The following COL27A1 variants were observed in gnomAD, a reference collection of about 807,000 sequenced individuals.
The protein encoded by COL27A1 is collagen type XXVII alpha 1 chain, also known as collagen alpha-1(XXVII) chain.
A neutral mutation model predicts 251.3 loss-of-function variants in COL27A1; 106 were observed. The observed-to-expected ratio is 0.42, with a 90% CI of 0.36 to 0.50. The LOEUF (loss-of-function observed/expected upper bound fraction) is 0.50, where lower values mean the gene tolerates loss of function less well. Ranked by LOEUF, COL27A1 falls within the 20% of genes least tolerant of loss-of-function variation. The pLI, the probability that COL27A1 is intolerant of heterozygous loss-of-function variation, is 0.00. For synonymous variants in COL27A1, 1,000 were observed against 986.3 expected, an observed-to-expected ratio of 1.01 and a Z score of -0.26; for missense variants, 2,325 against 2,522.8, an observed-to-expected ratio of 0.92 and a Z score of 1.68.
chr9:114,168,839 G>A lies in COL27A1; in HGVS notation c.1284G>A (p.Arg428=). Residue 428 remains arginine (R), a synonymous_variant, in exon 3 of 61, where the codon AGG becomes AGA. Coordinates refer to ENST00000356083, the MANE Select transcript of COL27A1 (RefSeq NM_032888.4). ...VSRPAEKPIQ[R]NPGMPRPPPP... ...GTCCCGCAGAGAAGCCCATCCAGAG[G>A]AACCCGGGAATGCCCAGGCCCCCAC... 1 of 1,613,858 alleles carries A rather than the reference G, an allele frequency of 6.2e-7. No homozygotes were observed. The highest frequency in any genetic ancestry group is 8.5e-7 in the Non-Finnish European group (1 of 1,179,988).
At chr9:114,178,793 G>C (rs1184090818) in intron 4 of COL27A1, among the ~76,000 whole-genome samples, 4 of 152,186 alleles carry the variant, frequency 2.6e-5, no homozygotes, top group Non-Finnish European at 5.9e-5. Context: ...CTGCTGGAGA[G>C]AGGCTGGGGG....
intron 10 of COL27A1, among the ~76,000 whole-genome samples, chr9:114,208,434 G>A (rs979366039): frequency 3.3e-5 from 5 of 152,032 alleles, no homozygotes; most frequent in Non-Finnish European, 5.9e-5. Flanking sequence ...GGATGACAGA[G>A]CAAGACTCCG....
chr9:114,301,270 G>A lies in COL27A1; in HGVS notation c.4756-14G>A, dbSNP rs767444738. 29 of 1,612,312 alleles carry A rather than the reference G, an allele frequency of 1.8e-5. No individual in the cohort carries two copies. The highest frequency in any genetic ancestry group is 1.6e-4 in the Middle Eastern group (1 of 6,078). Reference sequence around the variant, plus strand: ...CCTCTGGGCCCTGTCTCACTGGGCCGTGGTTTGTTGCAGGGTCCGAAGGGT... The same window carrying A: ...CCTCTGGGCCCTGTCTCACTGGGCCATGGTTTGTTGCAGGGTCCGAAGGGT... On this transcript the variant is annotated splice_polypyrimidine_tract_variant and intron_variant, in intron 52 of 60. Transcript: ENST00000356083.
Position 114,309,439 on chromosome 9 carries a change from G to A in COL27A1, c.5397G>A (p.Gly1799=). 1 of 1,613,996 alleles carries A rather than the reference G, an allele frequency of 6.2e-7. No homozygotes were observed. Among genetic ancestry groups the A allele is most frequent in the African/African-American group, 1.3e-5 (1 of 75,044 alleles). Residue 1799 remains glycine (G), a synonymous_variant, in exon 60 of 61, where the codon GGG becomes GGA. Coordinates refer to ENST00000356083, the MANE Select transcript of COL27A1 (RefSeq NM_032888.4). ...GGAATGGACAGATTTTTGAAGCTGGGGGTCAGTTCCGGCCCGAGGTGTCCA... is the reference window on the plus strand; with the variant it reads ...GGAATGGACAGATTTTTGAAGCTGGAGGTCAGTTCCGGCCCGAGGTGTCCA... ...RAWNGQIFEA[G]GQFRPEVSMD... is the part of the protein sequence containing the mutation.
chr9:114,302,189 C>A (rs903658445), intron 56 of COL27A1, 81 bp downstream of exon 56: 2 of 1,217,016 alleles, frequency 1.6e-6, no homozygotes, highest in Non-Finnish European at 1.2e-6. Flanking sequence ...CCCTCTCTGG[C>A]CCTGGTGGCT....
Position 114,270,730 on chromosome 9 carries a change from A to C in COL27A1, c.3558A>C (p.Gly1186=). 1 of 1,611,738 alleles carries C rather than the reference A, an allele frequency of 6.2e-7. No individual in the cohort carries two copies. The highest frequency in any genetic ancestry group is 8.5e-7 in the Non-Finnish European group (1 of 1,178,696). Residue 1186 remains glycine, a splice_region_variant and synonymous_variant, in exon 36 of 61, where the codon GGA becomes GGC. Coordinates refer to ENST00000356083, the MANE Select transcript of COL27A1 (RefSeq NM_032888.4). ...TCTTTCTCCATCACCTTTTCCAGGG[A>C]GAGCCAGGCCTTGAGGGTGACAGTG... The part of the protein sequence containing the change: ...PGEQGLIGQR[G]EPGLEGDSGP...
chr9:114,250,182 G>A (rs1833431269), intron 24 of COL27A1, among the ~76,000 whole-genome samples: 1 of 152,208 alleles, frequency 6.6e-6, no homozygotes, highest in Non-Finnish European at 1.5e-5. Context: ...CAGTTCTCTT[G>A]GCGGAGGCTG....
chr9:114,196,443 G>A lies in COL27A1; in HGVS notation c.2124+431G>A, dbSNP rs181298130. Among the ~76,000 whole-genome samples, 157 of 152,264 alleles carry A rather than the reference G, an allele frequency of 1.0e-3. 1 individual carries two copies. The highest frequency in any genetic ancestry group is 3.2e-3 in the African/African-American group (132 of 41,560). ...ACATGAGATGGAGACAATGATCCCC[G>A]TCTCTGACCCTGCACAGTCTGGGGC... On this transcript the variant is annotated intron_variant, in intron 7 of 60. Coordinates refer to ENST00000356083, the MANE Select transcript of COL27A1 (RefSeq NM_032888.4).
Position 114,309,365 on chromosome 9 carries a change from G to A in COL27A1, c.5323G>A (p.Glu1775Lys), listed in dbSNP as rs1169563204. 3.7e-6 allele frequency: 6 copies of A among 1,614,090 alleles called. No individual in the cohort carries two copies. The highest frequency in any genetic ancestry group is 4.2e-6 in the Non-Finnish European group (5 of 1,180,030). ...CTGCCTTAACATGACCGTGTGGCAG[G>A]AGGGCACTGGGCAGACCCCAGCCAA... is the stretch of plus-strand genomic sequence containing the variant. ...IHCLNMTVWQ[E>K]GTGQTPAKQA... The change falls in exon 60 of 61, where the codon GAG becomes AAG. Residue 1775 changes from glutamate to lysine, a missense_variant. Around this residue, in one of 4 missense-constraint regions of COL27A1, gnomAD observed 327 missense variants for 442.8 expected, o/e 0.74. Coordinates refer to ENST00000356083, the MANE Select transcript of COL27A1 (RefSeq NM_032888.4).
At chr9:114,162,247 T>C (rs1007493918) in intron 1 of COL27A1, among the ~76,000 whole-genome samples, 1 of 152,164 alleles carries the variant, frequency 6.6e-6, no homozygotes. Context: ...CCCGCTGACC[T>C]TTCACCCCTG....
intron 2 of COL27A1, 92 bp downstream of exon 2, chr9:114,162,877 G>A: frequency 1.2e-6 from 1 of 811,394 alleles, no homozygotes; most frequent in Non-Finnish European, 2.1e-6. Flanking sequence ...GCCTGTAATT[G>A]GAACTCAATG....
intron 17 of COL27A1, 152 bp from the exon 18 acceptor site, chr9:114,236,829 G>A: frequency 1.4e-6 from 1 of 717,400 alleles, no homozygotes; most frequent in Non-Finnish European, 2.5e-6. Context: ...TGTGATCCAA[G>A]CCAGAGCCCA....
chr9:114,310,500 GA>G, intron 60 of COL27A1, 48 bp from the exon 61 acceptor site: 1 of 1,605,814 alleles, frequency 6.2e-7, no homozygotes, highest in South Asian at 1.1e-5. Flanking sequence ...CATGATGTAT[GA>G]TAAGAATCAC....
chr9:114,291,594 C>G (rs1827921446), intron 48 of COL27A1, among the ~76,000 whole-genome samples: 1 of 152,028 alleles, frequency 6.6e-6, no homozygotes, highest in African/African-American at 2.4e-5. Flanking sequence ...ACTAAAAATA[C>G]AAAAATTAGC....
intron 3 of COL27A1, among the ~76,000 whole-genome samples, chr9:114,177,586 T>A (rs560020439): frequency 6.6e-6 from 1 of 152,314 alleles, no homozygotes; most frequent in South Asian, 2.1e-4. Flanking sequence ...GTGTTAACAT[T>A]TATCATCTCT....
intron 21 of COL27A1, among the ~76,000 whole-genome samples, chr9:114,240,868 G>T: frequency 6.6e-6 from 1 of 152,304 alleles, no homozygotes; most frequent in Admixed American, 6.5e-5. Flanking sequence ...GCCCAGAGAG[G>T]AAAAGAGACT....
At chr9:114,286,591 G>A (rs942802622) in intron 41 of COL27A1, among the ~76,000 whole-genome samples, 2 of 152,152 alleles carry the variant, frequency 1.3e-5, no homozygotes, top group East Asian at 1.9e-4. Context: ...GACAGGGCAG[G>A]GAAGTATCCT....
intron 16 of COL27A1, among the ~76,000 whole-genome samples, chr9:114,234,949 C>T (rs1312636102): frequency 2.0e-5 from 3 of 151,256 alleles, no homozygotes; most frequent in Middle Eastern, 3.4e-3. Context: ...CGTGGTGGCA[C>T]GCGCCTGTAG....
intron 7 of COL27A1, among the ~76,000 whole-genome samples, chr9:114,199,980 C>T (rs1290746627): frequency 6.6e-6 from 1 of 152,162 alleles, no homozygotes; most frequent in African/African-American, 2.4e-5. Context: ...GCCTGACATC[C>T]CCCCAGCTCC....
Sources: allele counts gnomAD v4.1 joint callset (sites outside exome capture counted in the v4.1 genomes callset), GRCh38; gene constraint gnomAD v4.1.1; regional missense constraint gnomAD v4.1.1; transcripts MANE v1.5; gene names NCBI Gene and HGNC (gene_info 2026-07-23, HGNC 2026-07-21).